The following SNTG1 variants were observed in gnomAD, a reference collection of about 807,000 sequenced individuals.
SNTG1 encodes syntrophin gamma 1, also known as gamma-1-syntrophin.
In SNTG1, 39 loss-of-function variants were observed where a neutral mutation model predicts 74.7. That is an observed-to-expected ratio of 0.52 (90% CI 0.40 to 0.68). The LOEUF (loss-of-function observed/expected upper bound fraction) is 0.68. Ranked by LOEUF, SNTG1 falls within the 30% of genes least tolerant of loss-of-function variation. The pLI is 0.00. For synonymous variants in SNTG1, 254 were observed against 217.1 expected, an observed-to-expected ratio of 1.17 and a Z score of -1.49; for missense variants, 685 against 609.5, an observed-to-expected ratio of 1.12 and a Z score of -1.30.
At chr8:50,725,184 C>A (rs998452291) in intron 17 of SNTG1, among the ~76,000 whole-genome samples, 15 of 152,090 alleles carry the variant, frequency 9.9e-5, no homozygotes, top group Non-Finnish European at 1.8e-4. Flanking sequence ...ATTTGGGCGA[C>A]GTTTTGTTTT....
At chr8:50,516,710 C>T (rs2094136795) in intron 9 of SNTG1, among the ~76,000 whole-genome samples, 1 of 151,648 alleles carries the variant, frequency 6.6e-6, no homozygotes, top group African/African-American at 2.4e-5. Flanking sequence ...TGAAGATTAA[C>T]TTAATGAAAT....
chr8:50,533,608 T>C (rs1412437671), intron 10 of SNTG1, among the ~76,000 whole-genome samples: 1 of 152,214 alleles, frequency 6.6e-6, no homozygotes, highest in Non-Finnish European at 1.5e-5. Flanking sequence ...ATTTATATTC[T>C]ATTTACATAA....
chr8:50,053,092 A>G (rs1819713331), intron 1 of SNTG1, among the ~76,000 whole-genome samples: 1 of 152,188 alleles, frequency 6.6e-6, no homozygotes, highest in Non-Finnish European at 1.5e-5. Context: ...TTCACCCAAG[A>G]TAAATGAACA....
chr8:50,784,238 T>A (rs1276007628), intron 18 of SNTG1, among the ~76,000 whole-genome samples: 2 of 152,298 alleles, frequency 1.3e-5, no homozygotes, highest in African/African-American at 2.4e-5. Flanking sequence ...TCAGTCCTAC[T>A]TAGTGGGAGT....
intron 17 of SNTG1, among the ~76,000 whole-genome samples, chr8:50,710,542 C>T (rs1585612621): frequency 6.6e-6 from 1 of 152,190 alleles, no homozygotes; most frequent in Non-Finnish European, 1.5e-5. Context: ...AACTCTAGTA[C>T]ACGAATGTAT....
intron 13 of SNTG1, among the ~76,000 whole-genome samples, chr8:50,616,052 G>C (rs1477704894): frequency 6.6e-6 from 1 of 152,162 alleles, no homozygotes; most frequent in East Asian, 1.9e-4. Flanking sequence ...CTCAGTTTTT[G>C]CTCTTACAAC....
At chr8:49,960,058 T>C (rs1052398244) in intron 1 of SNTG1, among the ~76,000 whole-genome samples, 3 of 152,228 alleles carry the variant, frequency 2.0e-5, no homozygotes, top group Non-Finnish European at 1.5e-5. Context: ...TTACCGTGCA[T>C]TGTAAACCCA....
intron 3 of SNTG1, among the ~76,000 whole-genome samples, chr8:50,400,794 G>C (rs1310318071): frequency 6.6e-6 from 1 of 152,060 alleles, no homozygotes; most frequent in Non-Finnish European, 1.5e-5. Flanking sequence ...CCACACACTG[G>C]GGTGCATGGA....
At chr8:50,529,238 A>C (rs2094246646) in intron 9 of SNTG1, among the ~76,000 whole-genome samples, 1 of 152,024 alleles carries the variant, frequency 6.6e-6, no homozygotes, top group Non-Finnish European at 1.5e-5. Flanking sequence ...ACATAGTGTG[A>C]TATTCTTACA....
At chr8:49,924,592 G>A (rs776389462) in intron 1 of SNTG1, among the ~76,000 whole-genome samples, 1 of 152,178 alleles carries the variant, frequency 6.6e-6, no homozygotes, top group Non-Finnish European at 1.5e-5. Flanking sequence ...AGGTTAGGAA[G>A]CTGACCCTCA....
intron 15 of SNTG1, among the ~76,000 whole-genome samples, chr8:50,694,144 A>G (rs77641138): frequency 0.015 from 2,306 of 151,976 alleles, 50 homozygotes; most frequent in African/African-American, 0.052. Context: ...AAGAAAGACC[A>G]AGGAAATGAA....
chr8:50,440,055 T>A (rs908159494), intron 5 of SNTG1, among the ~76,000 whole-genome samples: 1 of 151,622 alleles, frequency 6.6e-6, no homozygotes, highest in Admixed American at 6.6e-5. Flanking sequence ...GCTTTTCATT[T>A]TAATATTTTC....
chr8:50,283,215 T>C (rs1356499120), intron 2 of SNTG1, among the ~76,000 whole-genome samples: 1 of 152,246 alleles, frequency 6.6e-6, no homozygotes, highest in Non-Finnish European at 1.5e-5. Context: ...TCTGTTGTGC[T>C]TAATCTTGGG....
At chr8:50,209,929 T>C (rs2084590) in intron 2 of SNTG1, among the ~76,000 whole-genome samples, 65,490 of 152,084 alleles carry the variant, frequency 0.43, 17,858 homozygotes, top group African/African-American at 0.78. Flanking sequence ...GAAACTTCTC[T>C]GAACTAAAGG....
chr8:50,119,794 A>G lies in SNTG1; in HGVS notation c.-102-52767A>G, dbSNP rs2080937693. The stretch of plus-strand genomic sequence containing the variant: ...ATAGGGAAATTAAAGAAGTTGTTCA[A>G]AAACTCATATCTAGTAAATTTAGGA... On this transcript the variant is annotated intron_variant, in intron 1 of 18. Coordinates refer to ENST00000642720, the MANE Select transcript of SNTG1 (RefSeq NM_018967.5). 1.4e-5 allele frequency among the ~76,000 whole-genome samples: 2 copies of G among 141,818 alleles called. 1 individual carries two copies. Among genetic ancestry groups the G allele is most frequent in the Admixed American group, 1.5e-4 (2 of 13,734 alleles). The allele number at this position is 141,818 out of a possible 152,430, so 93.0% of individuals were successfully genotyped here.
intron 2 of SNTG1, among the ~76,000 whole-genome samples, chr8:50,298,661 C>T (rs944078186): frequency 2.0e-5 from 3 of 152,258 alleles, no homozygotes; most frequent in African/African-American, 7.2e-5. Flanking sequence ...ACCTAACAAG[C>T]TTCAATTCAA....
intron 1 of SNTG1, among the ~76,000 whole-genome samples, chr8:49,938,592 CT>C (rs1244932981): frequency 1.7e-3 from 31 of 18,120 alleles, no homozygotes; most frequent in South Asian, 7.6e-3. Context: ...CTTTTCTTTT[CT>C]TTTCTTTTCT....
intron 2 of SNTG1, among the ~76,000 whole-genome samples, chr8:50,246,326 A>G (rs926933450): frequency 6.6e-6 from 1 of 152,062 alleles, no homozygotes; most frequent in Non-Finnish European, 1.5e-5. Flanking sequence ...TTAAAAGACA[A>G]CAATAAAAAT....
chr8:50,663,039 C>T (rs538384092), intron 15 of SNTG1, among the ~76,000 whole-genome samples: 1 of 152,190 alleles, frequency 6.6e-6, no homozygotes, highest in African/African-American at 2.4e-5. Context: ...TTTTAATGAA[C>T]TGAAACCTAA....
Sources: allele counts gnomAD v4.1 joint callset (sites outside exome capture counted in the v4.1 genomes callset), GRCh38; gene constraint gnomAD v4.1.1; transcripts MANE v1.5; gene names NCBI Gene and HGNC (gene_info 2026-07-23, HGNC 2026-07-21).